GRIN3B: variants seen among roughly 807,000 people sequenced by gnomAD.
GRIN3B encodes glutamate receptor ionotropic, NMDA 3B.
Under a neutral mutation model 66.0 loss-of-function variants are expected in GRIN3B, and 77 were observed. That is an observed-to-expected ratio of 1.17 (90% confidence interval 0.97 to 1.41). GRIN3B has a LOEUF of 1.41. Among genes scored for constraint, GRIN3B ranks in the 40% most tolerant of loss-of-function variants. The pLI is 0.00. For missense variants in GRIN3B, 1,787 were observed against 1,564.5 expected, an observed-to-expected ratio of 1.14 and a Z score of -2.40; for synonymous variants, 823 against 749.7, an observed-to-expected ratio of 1.10 and a Z score of -1.60.
chr19:1,003,748 G>A, intron 2 of GRIN3B, 26 bp downstream of exon 2: 1 of 1,385,014 alleles, frequency 7.2e-7, no homozygotes, highest in Non-Finnish European at 9.3e-7. Context: ...GCTTCCCTTA[G>A]GAGGGTGTCC....
rs2038672037 is a variant in GRIN3B at position 1,000,579 on chromosome 19, C to G, written c.142C>G (p.Leu48Val). ...GGGCGCCCTCCTGCCCCGCGCGCCTCTCGCCCGCGCCCGCGCCCGCGCCGC... is the reference window on the plus strand; with the variant it reads ...GGGCGCCCTCCTGCCCCGCGCGCCTGTCGCCCGCGCCCGCGCCCGCGCCGC... ...RLGALLPRAP[L>V]ARARARAALA... is the part of the protein sequence containing the mutation. The change falls in exon 1 of 9, where the codon CTC becomes GTC. Residue 48 changes from leucine (L) to valine (V), a missense_variant. Transcript: ENST00000234389. The G allele has an allele frequency of 9.7e-7, 1 of 1,028,028 alleles. No individual in the cohort carries two copies. Among genetic ancestry groups the G allele is most frequent in the South Asian group, 4.4e-5 (1 of 22,592 alleles). 63.7% of individuals were successfully genotyped at this position (1,028,028 alleles called of 1,614,324 possible).
In GRIN3B at chr19:1,009,297, G is replaced by T; in HGVS notation, c.2827G>T (p.Val943Phe). 1 of 1,412,126 alleles carries T rather than the reference G, an allele frequency of 7.1e-7. No homozygotes were observed. Among genetic ancestry groups the T allele is most frequent in the Non-Finnish European group, 9.1e-7 (1 of 1,093,502 alleles). 87.5% of individuals were successfully genotyped at this position (1,412,126 alleles called of 1,614,324 possible). A position where few individuals can be genotyped will look rare whatever the true frequency, so the allele number is the denominator to read the frequency against. Residue 943 changes from valine to phenylalanine, a missense_variant, in exon 9 of 9, where the codon GTT (valine) becomes TTT (phenylalanine). Physicochemically the swap from Val to Phe is conservative, Grantham distance 50. Transcript: ENST00000234389. ...RVRFLLEPAV[V>F]VAPEADAEAE... Reference sequence around the variant, plus strand: ...GCGCTTCCTGCTGGAGCCCGCCGTGGTTGTGGCACCCGAAGCGGACGCGGA... The same window carrying T: ...GCGCTTCCTGCTGGAGCCCGCCGTGTTTGTGGCACCCGAAGCGGACGCGGA...
Position 1,005,279 on chromosome 19 carries a change from C to G in GRIN3B, c.1778C>G (p.Thr593Ser), listed in dbSNP as rs758440584. Residue 593 changes from threonine (T) to serine (S), a missense_variant, in exon 3 of 9, where the codon ACC (threonine) becomes AGC (serine). Coordinates refer to ENST00000234389, the MANE Select transcript of GRIN3B (RefSeq NM_138690.3). The surrounding 1 kb of genome is among the most constrained non-coding windows in gnomAD (Gnocchi z 5.2). Reference sequence around the variant, plus strand: ...CTGCACCTCACCGCGCTCTTCCTCACCGTGTACGAGTGGCGTAGCCCCTAC... The same window carrying G: ...CTGCACCTCACCGCGCTCTTCCTCAGCGTGTACGAGTGGCGTAGCCCCTAC... ...AALHLTALFL[T>S]VYEWRSPYGL... The G allele has an allele frequency of 1.9e-6, 3 of 1,613,624 alleles. No homozygotes were observed. Among genetic ancestry groups the G allele is most frequent in the Middle Eastern group, 1.6e-4 (1 of 6,062 alleles).
chr19:1,005,079 C>T lies in GRIN3B; in HGVS notation c.1578C>T (p.His526=). Residue 526 remains histidine (H), a synonymous_variant, in exon 3 of 9, where the codon CAC becomes CAT. Coordinates refer to ENST00000234389, the MANE Select transcript of GRIN3B (RefSeq NM_138690.3). The surrounding 1 kb of genome is among the most constrained non-coding windows in gnomAD (Gnocchi z 5.2). ...GGGACCTGCTGGCCGGCCGGGCCCA[C>T]ATGGCGGTCACCAGCTTCAGTATCA... is the stretch of plus-strand genomic sequence containing the variant. ...LVGDLLAGRA[H]MAVTSFSINS... 1 of 1,611,914 alleles carries T rather than the reference C, an allele frequency of 6.2e-7. No individual in the cohort carries two copies.
Position 1,005,390 on chromosome 19 carries a change from G to T in GRIN3B, c.1889G>T (p.Arg630Leu). Reference sequence around the variant, plus strand: ...CTGTGCTACGCCATCCTCTTCAGACGCACCGTGTCCAGCAAGACGCCCAAG... The same window carrying T: ...CTGTGCTACGCCATCCTCTTCAGACTCACCGTGTCCAGCAAGACGCCCAAG... ...LNLCYAILFRRTVSSKTPKCP... is the reference protein window; with the variant it reads ...LNLCYAILFRLTVSSKTPKCP... Residue 630 changes from arginine to leucine, a missense_variant, in exon 3 of 9, where the codon CGC becomes CTC. Coordinates refer to ENST00000234389, the MANE Select transcript of GRIN3B (RefSeq NM_138690.3). The surrounding 1 kb of genome is among the most constrained non-coding windows in gnomAD (Gnocchi z 5.2). 6.2e-7 allele frequency: 1 copy of T among 1,613,704 alleles called. No homozygotes were observed. Among genetic ancestry groups the T allele is most frequent in the African/African-American group, 1.3e-5 (1 of 75,044 alleles).
rs1227170781 is a variant in GRIN3B at position 1,003,538 on chromosome 19, C to T, written c.835C>T (p.Leu279=). 2.0e-6 allele frequency: 3 copies of T among 1,525,152 alleles called. No homozygotes were observed. The highest frequency in any genetic ancestry group is 2.6e-6 in the Non-Finnish European group (3 of 1,141,444). The allele number at this position is 1,525,152 out of a possible 1,614,324, so 94.5% of individuals were successfully genotyped here. Residue 279 remains leucine (L), a synonymous_variant, in exon 2 of 9, where the codon CTG becomes TTG. Transcript: ENST00000234389. ...CACCGCGGGGCTGCCACCAGGGCTGCTGGCGCTGGGCGAGGTGGCACGACC... is the reference window on the plus strand; with the variant it reads ...CACCGCGGGGCTGCCACCAGGGCTGTTGGCGCTGGGCGAGGTGGCACGACC... ...LPTAGLPPGL[L]ALGEVARPPL... is the part of the protein sequence containing the mutation.
chr19:1,008,910 G>C lies in GRIN3B; in HGVS notation c.2685G>C (p.Thr895=). The C allele has an allele frequency of 6.2e-7, 1 of 1,609,144 alleles. No homozygotes were observed. ...TEPPEGSKEE[T]AEAEPSGPEV... ...CACCAGAGGGGTCGAAGGAGGAGAC[G>C]GCAGAGGCGGAGCCCAGGTAAGTGG... Residue 895 remains threonine, a synonymous_variant, in exon 8 of 9, where the codon ACG becomes ACC. Coordinates refer to ENST00000234389, the MANE Select transcript of GRIN3B (RefSeq NM_138690.3).
chr19:1,004,517 C>T lies in GRIN3B; in HGVS notation c.1020-4C>T, dbSNP rs2038718806. 6.4e-7 allele frequency: 1 copy of T among 1,574,624 alleles called. No individual in the cohort carries two copies. Among genetic ancestry groups the T allele is most frequent in the African/African-American group, 1.4e-5 (1 of 73,900 alleles). ...ACCTGACACCCCCCCCGCCCTGCCCCTAGGTTCCTGGCCAACACGTCCTTC... is the reference window on the plus strand; with the variant it reads ...ACCTGACACCCCCCCCGCCCTGCCCTTAGGTTCCTGGCCAACACGTCCTTC... On this transcript the variant is annotated splice_region_variant and splice_polypyrimidine_tract_variant and intron_variant, in intron 2 of 8. Coordinates refer to ENST00000234389, the MANE Select transcript of GRIN3B (RefSeq NM_138690.3).
chr19:1,003,037 T>G, intron 1 of GRIN3B, 93 bp from the exon 2 acceptor site: 3 of 829,326 alleles, frequency 3.6e-6, no homozygotes, highest in Non-Finnish European at 5.4e-6. Context: ...GCCATCCAGC[T>G]GGCATCTACT....
rs1358109726 is a variant in GRIN3B, at chr19:1,005,556, G to A, written c.2052+3G>A. 1.9e-6 allele frequency: 3 copies of A among 1,569,966 alleles called. No homozygotes were observed. The highest frequency in any genetic ancestry group is 2.3e-5 in the South Asian group (2 of 85,398). ...TGTCGGGGATCCACGACCCCAAGGT[G>A]GGCGGCCTCGGGGGGCTGCGGGTGG... On this transcript the variant is annotated splice_donor_region_variant and intron_variant, in intron 3 of 8. Coordinates refer to ENST00000234389, the MANE Select transcript of GRIN3B (RefSeq NM_138690.3). This position sits in a 1 kb window ranked among gnomAD's most constrained non-coding sequence, Gnocchi z 5.2.
rs893896338 is a variant in GRIN3B, at chr19:1,007,828, G to A, written c.2199-28G>A. 6.3e-7 allele frequency: 1 copy of A among 1,575,586 alleles called. No homozygotes were observed. Among genetic ancestry groups the A allele is most frequent in the Non-Finnish European group, 8.6e-7 (1 of 1,159,782 alleles). Reference sequence around the variant, plus strand: ...CGGGGCGTGGGGTGGGCGGGGCGATGGCTGACCCCCGCCCCCGGCCCCAGC... The same window carrying A: ...CGGGGCGTGGGGTGGGCGGGGCGATAGCTGACCCCCGCCCCCGGCCCCAGC... On this transcript the variant is annotated intron_variant, in intron 4 of 8. Coordinates refer to ENST00000234389, the MANE Select transcript of GRIN3B (RefSeq NM_138690.3). This position sits in a 1 kb window ranked among gnomAD's most constrained non-coding sequence, Gnocchi z 4.4.
In GRIN3B at chr19:1,004,508, GC is replaced by G; in HGVS notation, c.1020-10del. The G allele has an allele frequency of 1.8e-6, 1 of 560,906 alleles. No individual in the cohort carries two copies. The highest frequency in any genetic ancestry group is 3.1e-6 in the Non-Finnish European group (1 of 322,372). 34.7% of individuals were successfully genotyped at this position (560,906 alleles called of 1,614,324 possible). ...AACTTCGACACCTGACACCCCCCCC[GC>G]CCTGCCCCTAGGTTCCTGGCCAACA... On this transcript the variant is annotated splice_polypyrimidine_tract_variant and intron_variant, in intron 2 of 8. Transcript: ENST00000234389.
chr19:1,004,875 A>G lies in GRIN3B; in HGVS notation c.1374A>G (p.Ala458=), dbSNP rs144095033. The stretch of plus-strand genomic sequence containing the variant: ...CCAACGACTCGGCCACCCTGGACGC[A>G]CTGTTCGCCGCGCTGGCCAACGGCT... The part of the protein sequence containing the change: ...PGTNDSATLD[A]LFAALANGSA... Residue 458 remains alanine (A), a synonymous_variant, in exon 3 of 9, where the codon GCA becomes GCG. Transcript: ENST00000234389. 5.6e-6 allele frequency: 9 copies of G among 1,609,488 alleles called. No individual in the cohort carries two copies. The highest frequency in any genetic ancestry group is 7.6e-6 in the Non-Finnish European group (9 of 1,177,892).
At position 1,007,163 on chromosome 19, in the gene GRIN3B, C is replaced by T. The variant is rs1025221066; in HGVS notation, c.2053-465C>T. 2.0e-5 allele frequency among the ~76,000 whole-genome samples: 3 copies of T among 152,102 alleles called. No individual in the cohort carries two copies. Among genetic ancestry groups the T allele is most frequent in the Admixed American group, 1.3e-4 (2 of 15,270 alleles). On this transcript the variant is annotated intron_variant, in intron 3 of 8. Coordinates refer to ENST00000234389, the MANE Select transcript of GRIN3B (RefSeq NM_138690.3). The surrounding 1 kb of genome is among the most constrained non-coding windows in gnomAD (Gnocchi z 4.4). ...AGTTCCCTGTGTTGCAGGTGGCGCC[C>T]CCCAGGGTTTTCGGGAGAAACAGGG...
Position 1,004,526 on chromosome 19 carries a change from T to C in GRIN3B, c.1025T>C (p.Leu342Pro). The C allele has an allele frequency of 1.2e-6, 1 of 826,732 alleles. No individual in the cohort carries two copies. The highest frequency in any genetic ancestry group is 1.8e-6 in the Non-Finnish European group (1 of 541,208). 51.2% of individuals were successfully genotyped at this position (826,732 alleles called of 1,614,324 possible). A position where few individuals can be genotyped will look rare whatever the true frequency, so the allele number is the denominator to read the frequency against. ...ESPGRFLARFLANTSFQGRTG... is the reference protein window; with the variant it reads ...ESPGRFLARFPANTSFQGRTG... Reference sequence around the variant, plus strand: ...CCCCCCCGCCCTGCCCCTAGGTTCCTGGCCAACACGTCCTTCCAGGGCCGC... The same window carrying C: ...CCCCCCCGCCCTGCCCCTAGGTTCCCGGCCAACACGTCCTTCCAGGGCCGC... The change falls in exon 3 of 9, where the codon CTG becomes CCG. Residue 342 changes from leucine to proline, a missense_variant. By Grantham distance (98) the Leu-to-Pro change is moderately conservative (BLOSUM62 -3). Coordinates refer to ENST00000234389, the MANE Select transcript of GRIN3B (RefSeq NM_138690.3).
In GRIN3B at chr19:1,003,414, C is replaced by G. The variant is rs1349552987; in HGVS notation, c.711C>G (p.Leu237=). The G allele has an allele frequency of 6.5e-7, 1 of 1,548,810 alleles. No homozygotes were observed. The highest frequency in any genetic ancestry group is 2.4e-5 in the East Asian group (1 of 42,066). ...AAGCACCGGTACCCGCGGCGGTCCTCCTCGGCTGTGACATCGCCCGTGCCC... is the reference window on the plus strand; with the variant it reads ...AAGCACCGGTACCCGCGGCGGTCCTGCTCGGCTGTGACATCGCCCGTGCCC... ...GGEAPVPAAV[L]LGCDIARARR... is the part of the protein sequence containing the mutation. The change falls in exon 2 of 9, where the codon CTC becomes CTG. Residue 237 remains leucine, a synonymous_variant. Coordinates refer to ENST00000234389, the MANE Select transcript of GRIN3B (RefSeq NM_138690.3).
chr19:1,008,143 A>G lies in GRIN3B; in HGVS notation c.2318A>G (p.Tyr773Cys), dbSNP rs1220956345. ...CCGCCTGGCCCCGCGCCCCCAGGCT[A>G]TGGGATCGGACTGCCCCAGAACTCG... ...TVGKPFAIEG[Y>C]GIGLPQNSPL... The change falls in exon 6 of 9, where the codon TAT (tyrosine) becomes TGT (cysteine). Residue 773 changes from tyrosine to cysteine, a missense_variant. Tyr to Cys is a radical substitution (Grantham distance 194). Transcript: ENST00000234389. 1.3e-5 allele frequency: 21 copies of G among 1,593,078 alleles called. No homozygotes were observed. In the East Asian group the frequency reaches 4.5e-4, roughly 34 times the overall value.
At position 1,000,530 on chromosome 19, in the gene GRIN3B, G is replaced by A. The variant is rs2038670980; in HGVS notation, c.93G>A (p.Ala31=). 8.5e-7 allele frequency: 1 copy of A among 1,171,182 alleles called. No homozygotes were observed. The highest frequency in any genetic ancestry group is 1.1e-6 in the Non-Finnish European group (1 of 949,160). 72.5% of individuals were successfully genotyped at this position (1,171,182 alleles called of 1,614,324 possible). The part of the protein sequence containing the change: ...GGHPQPCGVL[A]RLGGSVRLGA... The stretch of plus-strand genomic sequence containing the variant: ...ACCCTCAGCCGTGCGGCGTCCTGGC[G>A]CGCCTCGGGGGCTCCGTGCGCCTGG... Residue 31 remains alanine, a synonymous_variant, in exon 1 of 9, where the codon GCG becomes GCA. Transcript: ENST00000234389.
intron 1 of GRIN3B, chr19:1,002,874 C>CA (rs745599169): frequency 0.039 from 11,498 of 291,722 alleles, 11 homozygotes; most frequent in Middle Eastern, 0.058. Context: ...ATGGCACATG[C>CA]AAAAAAAAAA....
Sources: gnomAD v4.1 joint callset for allele counts (sites outside exome capture counted in the v4.1 genomes callset) on GRCh38, gnomAD v4.1.1 for gene constraint, Gnocchi (gnomAD v3.1) non-coding constraint, MANE v1.5 for transcripts, NCBI Gene and HGNC (gene_info 2026-07-23, HGNC 2026-07-21) for gene names.